The following NUDT7 variants were observed in gnomAD, a reference collection of about 807,000 sequenced individuals.
The protein encoded by NUDT7 is peroxisomal coenzyme A diphosphatase NUDT7.
A neutral mutation model predicts 13.1 loss-of-function variants in NUDT7; 19 were observed. That is an observed-to-expected ratio of 1.45 (90% CI 1.01 to 2.13). The LOEUF is 2.13. NUDT7 is among the 30% of genes most tolerant of loss of function. The probability of loss-of-function intolerance (pLI) is 0.00; values close to 1 mark genes in which losing one functional copy is unlikely to be tolerated. For missense variants in NUDT7, 360 were observed against 291.7 expected (o/e 1.23, Z -1.71); for synonymous variants, 132 against 109.7 (o/e 1.20, Z -1.27).
intron 3 of NUDT7, among the ~76,000 whole-genome samples, chr16:77,738,878 T>C (rs574938216): frequency 1.3e-5 from 2 of 152,350 alleles, no homozygotes; most frequent in African/African-American, 4.8e-5. Context: ...TGTGGTCGAA[T>C]CCAGTTTCTG....
intron 2 of NUDT7, among the ~76,000 whole-genome samples, chr16:77,733,128 T>C (rs751745672): frequency 6.6e-6 from 1 of 152,228 alleles, no homozygotes; most frequent in East Asian, 1.9e-4. Flanking sequence ...TAAAAAAAAA[T>C]TTTTAAGTCT....
In NUDT7 at chr16:77,735,810, T is replaced by A. The variant is rs1468497246; in HGVS notation, c.190-18T>A. On this transcript the variant is annotated intron_variant, in intron 2 of 3. Coordinates refer to ENST00000268533, the MANE Select transcript of NUDT7 (RefSeq NM_001105663.3). ...AAATTAGAATCCCACATTGTAGCGC[T>A]GTTCTTTCTATATCCAGCTAAGAAG... 6.2e-7 allele frequency: 1 copy of A among 1,608,354 alleles called. No homozygotes were observed. Among genetic ancestry groups the A allele is most frequent in the African/African-American group, 1.3e-5 (1 of 74,912 alleles).
At chr16:77,741,168 A>G (rs1258660316) in intron 3 of NUDT7, among the ~76,000 whole-genome samples, 2 of 152,202 alleles carry the variant, frequency 1.3e-5, no homozygotes, top group Non-Finnish European at 2.9e-5. Context: ...CTAAATGCCT[A>G]TAAAGTGAAG....
chr16:77,732,213 A>G (rs1435320746), intron 2 of NUDT7, among the ~76,000 whole-genome samples: 1 of 152,018 alleles, frequency 6.6e-6, no homozygotes, highest in African/African-American at 2.4e-5. Context: ...CTGTAATTCC[A>G]GTTACTTGGG....
rs756867769 is a variant in NUDT7 at position 77,722,630 on chromosome 16, C to T, written c.35+13C>T. 1 of 1,588,114 alleles carries T rather than the reference C, an allele frequency of 6.3e-7. No homozygotes were observed. Among genetic ancestry groups the T allele is most frequent in the Non-Finnish European group, 8.6e-7 (1 of 1,166,440 alleles). On this transcript the variant is annotated intron_variant, in intron 1 of 3. Transcript: ENST00000268533. ...AGGAGCCAGTCAGGTAAAGGCTTTC[C>T]GGGCCCTGGCACCCCGAGCTTGGTC...
At chr16:77,722,847 C>T (rs187849177) in intron 1 of NUDT7, among the ~76,000 whole-genome samples, 2 of 152,306 alleles carry the variant, frequency 1.3e-5, no homozygotes, top group Admixed American at 6.5e-5. Context: ...TACATACACG[C>T]TGCTCCCCTT....
intron 2 of NUDT7, among the ~76,000 whole-genome samples, chr16:77,732,377 A>C (rs2145116778): frequency 6.6e-6 from 1 of 152,220 alleles, no homozygotes; most frequent in East Asian, 1.9e-4. Context: ...CTATAGCCTA[A>C]GTGTCTAGTA....
At chr16:77,737,490 T>C (rs1017877332) in intron 3 of NUDT7, 2 of 148,012 alleles carry the variant, frequency 1.4e-5, no homozygotes, top group Non-Finnish European at 3.0e-5. Flanking sequence ...TTTTTGTTGT[T>C]GTTGTTGTTT....
At chr16:77,728,208 C>T (rs1171269634) in intron 2 of NUDT7, among the ~76,000 whole-genome samples, 1 of 152,082 alleles carries the variant, frequency 6.6e-6, no homozygotes, top group African/African-American at 2.4e-5. Flanking sequence ...AATGTGCAAT[C>T]TCCCACTAGC....
chr16:77,736,443 G>A (rs2014487336), intron 3 of NUDT7, among the ~76,000 whole-genome samples: 1 of 152,098 alleles, frequency 6.6e-6, no homozygotes, highest in African/African-American at 2.4e-5. Context: ...ATAGAATAAA[G>A]CCTCTCTGTG....
chr16:77,733,719 A>G (rs972780996), intron 2 of NUDT7, among the ~76,000 whole-genome samples: 2 of 152,188 alleles, frequency 1.3e-5, no homozygotes, highest in South Asian at 2.1e-4. Context: ...TCATGGAACA[A>G]TCTTCACAGC....
At chr16:77,731,340 A>T (rs2014312499) in intron 2 of NUDT7, among the ~76,000 whole-genome samples, 1 of 124,402 alleles carries the variant, frequency 8.0e-6, no homozygotes, top group Admixed American at 8.4e-5. Context: ...TCCATCAATG[A>T]TGGACCATGG....
In NUDT7 at chr16:77,725,459, C is replaced by T. The variant is rs747887702; in HGVS notation, c.64C>T (p.Arg22Cys). ...RNSLLDDAKA[R>C]LRKYDIGGKY... ...CAGTTTGCTAGATGATGCTAAGGCC[C>T]GCTTAAGAAAGTATGATATTGGAGG... The change falls in exon 2 of 4, where the codon CGC becomes TGC. Residue 22 changes from arginine (R) to cysteine (C), a missense_variant. Physicochemically the swap from Arg to Cys is radical, Grantham distance 180. Transcript: ENST00000268533. 5.6e-6 allele frequency: 9 copies of T among 1,612,768 alleles called. No homozygotes were observed. Among genetic ancestry groups the T allele is most frequent in the East Asian group, 2.2e-5 (1 of 44,854 alleles).
chr16:77,738,749 GC>G (rs2014567921), intron 3 of NUDT7, among the ~76,000 whole-genome samples: 4 of 152,268 alleles, frequency 2.6e-5, no homozygotes, highest in Admixed American at 2.6e-4. Flanking sequence ...CGCTACATAA[GC>G]CTTCCAGGCA....
chr16:77,741,959 A>G lies in NUDT7; in HGVS notation c.*9A>G, dbSNP rs766762028. 8.3e-6 allele frequency: 13 copies of G among 1,569,356 alleles called. No individual in the cohort carries two copies. The highest frequency in any genetic ancestry group is 6.7e-5 in the East Asian group (3 of 44,580). Reference sequence around the variant, plus strand: ...CTACAAGCAGGTTATGATTTACTAGAGCAAGAGACAAAGAACTATTCACGA... The same window carrying G: ...CTACAAGCAGGTTATGATTTACTAGGGCAAGAGACAAAGAACTATTCACGA... On this transcript the variant is annotated 3_prime_UTR_variant, in exon 4 of 4. Coordinates refer to ENST00000268533, the MANE Select transcript of NUDT7 (RefSeq NM_001105663.3).
Position 77,735,693 on chromosome 16 carries a change from A to T in NUDT7, c.190-135A>T, listed in dbSNP as rs547037719. ...ATTCAAGAAAACACATTTGTGGGCA[A>T]TAGGGGTCTTGATACCACCACCTGG... is the stretch of plus-strand genomic sequence containing the variant. On this transcript the variant is annotated intron_variant, in intron 2 of 3. Transcript: ENST00000268533. The T allele has an allele frequency of 5.1e-6, 4 of 784,828 alleles. No homozygotes were observed. In the Admixed American group the frequency reaches 6.9e-5, roughly 14 times the overall value. The allele number at this position is 784,828 out of a possible 1,614,324, so 48.6% of individuals were successfully genotyped here. A position where few individuals can be genotyped will look rare whatever the true frequency, so the allele number is the denominator to read the frequency against.
chr16:77,741,694 A>G lies in NUDT7; in HGVS notation c.461A>G (p.His154Arg). 1.2e-6 allele frequency: 2 copies of G among 1,614,182 alleles called. No individual in the cohort carries two copies. The highest frequency in any genetic ancestry group is 1.7e-6 in the Non-Finnish European group (2 of 1,180,042). Residue 154 changes from histidine to arginine, a missense_variant, in exon 4 of 4, where the codon CAT (histidine) becomes CGT (arginine). His to Arg is a conservative substitution (Grantham distance 29). Coordinates refer to ENST00000268533, the MANE Select transcript of NUDT7 (RefSeq NM_001105663.3). ...VFLVPLAYFL[H>R]PQVHDQHYVT... is the part of the protein sequence containing the mutation. ...CTGGTGCCTCTGGCCTATTTCCTGC[A>G]TCCACAGGTCCATGACCAGCATTAC...
intron 2 of NUDT7, among the ~76,000 whole-genome samples, chr16:77,731,784 T>C (rs925261558): frequency 1.3e-5 from 2 of 152,050 alleles, no homozygotes; most frequent in Admixed American, 6.6e-5. Flanking sequence ...GAGGTAGAGG[T>C]AGAAGACAGT....
At chr16:77,730,179 G>A (rs984174588) in intron 2 of NUDT7, among the ~76,000 whole-genome samples, 1 of 152,086 alleles carries the variant, frequency 6.6e-6, no homozygotes, top group Non-Finnish European at 1.5e-5. Flanking sequence ...CAAGAATACA[G>A]TATGTTAACT....
Sources: allele counts gnomAD v4.1 joint callset (sites outside exome capture counted in the v4.1 genomes callset), GRCh38; gene constraint gnomAD v4.1.1; transcripts MANE v1.5; gene names NCBI Gene and HGNC (gene_info 2026-07-23, HGNC 2026-07-21).